Variants in STXBP6 observed in about 807,000 individuals in gnomAD.
STXBP6 encodes syntaxin-binding protein 6.
Under a neutral mutation model 26.9 loss-of-function variants are expected in STXBP6, and 21 were observed. That is an observed-to-expected ratio of 0.78 (90% CI 0.55 to 1.12). The LOEUF (loss-of-function observed/expected upper bound fraction) is 1.12, where lower values mean the gene tolerates loss of function less well. Ranked by LOEUF, STXBP6 falls within the 50% of genes most tolerant of loss-of-function variation. The pLI is 0.00. For missense variants in STXBP6, 232 were observed against 257.9 expected, an observed-to-expected ratio of 0.90 and a Z score of 0.69; for synonymous variants, 97 against 92.6, an observed-to-expected ratio of 1.05 and a Z score of -0.27.
At chr14:24,859,954 G>GA (rs1263728421) in intron 2 of STXBP6, among the ~76,000 whole-genome samples, 1 of 152,178 alleles carries the variant, frequency 6.6e-6, no homozygotes, top group Non-Finnish European at 1.5e-5. Context: ...TATTAGCTCT[G>GA]AAAAAACAAC....
intron 2 of STXBP6, among the ~76,000 whole-genome samples, chr14:24,879,877 C>T (rs1380458741): frequency 5.3e-5 from 8 of 152,146 alleles, no homozygotes; most frequent in Non-Finnish European, 1.0e-4. Context: ...AGCAAATGCC[C>T]GCTGAGGGTG....
chr14:24,818,201 C>T (rs1350929923), intron 5 of STXBP6: 1 of 446,930 alleles, frequency 2.2e-6, no homozygotes, highest in Non-Finnish European at 4.5e-6. Flanking sequence ...AAATTCAAAC[C>T]ACTAACCAGA....
At chr14:24,890,716 A>AC (rs541711909) in intron 2 of STXBP6, among the ~76,000 whole-genome samples, 3 of 152,230 alleles carry the variant, frequency 2.0e-5, no homozygotes, top group Non-Finnish European at 4.4e-5. Flanking sequence ...ATACAAAGCC[A>AC]CAACATCTTC....
chr14:24,885,110 T>A (rs2070527439), intron 2 of STXBP6, among the ~76,000 whole-genome samples: 1 of 152,190 alleles, frequency 6.6e-6, no homozygotes, highest in Non-Finnish European at 1.5e-5. Context: ...TCCACCTGCC[T>A]GCTCTGGGTA....
At chr14:24,888,314 G>T (rs2070663240) in intron 2 of STXBP6, among the ~76,000 whole-genome samples, 1 of 152,206 alleles carries the variant, frequency 6.6e-6, no homozygotes, top group Non-Finnish European at 1.5e-5. Context: ...ACCTAAGCTG[G>T]CAGTAGGGAA....
chr14:24,884,216 C>T (rs2070485052), intron 2 of STXBP6, among the ~76,000 whole-genome samples: 1 of 152,190 alleles, frequency 6.6e-6, no homozygotes, highest in African/African-American at 2.4e-5. Context: ...TAATCTAATC[C>T]TTAAAAGGTA....
intron 2 of STXBP6, among the ~76,000 whole-genome samples, chr14:24,972,432 T>C (rs542282019): frequency 3.9e-5 from 6 of 152,348 alleles, no homozygotes; most frequent in South Asian, 2.1e-4. Context: ...GACAACAGTA[T>C]ATGCCTAAAA....
At chr14:24,900,175 G>A (rs1303737246) in intron 2 of STXBP6, among the ~76,000 whole-genome samples, 1 of 152,164 alleles carries the variant, frequency 6.6e-6, no homozygotes, top group Non-Finnish European at 1.5e-5. Context: ...TATACTAAGA[G>A]AAAGGCATAT....
intron 4 of STXBP6, among the ~76,000 whole-genome samples, chr14:24,829,837 G>T (rs1033636307): frequency 2.0e-5 from 3 of 152,046 alleles, no homozygotes; most frequent in Admixed American, 2.0e-4. Flanking sequence ...GGCAGGATGT[G>T]TATGGTTAAA....
chr14:24,939,721 A>G (rs2072734678), intron 2 of STXBP6, among the ~76,000 whole-genome samples: 1 of 152,246 alleles, frequency 6.6e-6, no homozygotes, highest in South Asian at 2.1e-4. Flanking sequence ...ACTACAAAGA[A>G]ACAGGTGACA....
At chr14:24,861,166 T>C (rs189024488) in intron 2 of STXBP6, among the ~76,000 whole-genome samples, 16 of 152,294 alleles carry the variant, frequency 1.1e-4, no homozygotes, top group Admixed American at 9.2e-4. Flanking sequence ...ACTTTCATCA[T>C]GTGCAGCCCT....
intron 2 of STXBP6, among the ~76,000 whole-genome samples, chr14:24,942,475 C>T (rs2139997786): frequency 6.6e-6 from 1 of 152,286 alleles, no homozygotes; most frequent in African/African-American, 2.4e-5. Context: ...CAGTTCTCAG[C>T]ACCTTATGGA....
At chr14:24,825,979 T>A (rs1178101946) in intron 4 of STXBP6, among the ~76,000 whole-genome samples, 1 of 152,122 alleles carries the variant, frequency 6.6e-6, no homozygotes, top group East Asian at 1.9e-4. Context: ...GGAACACTTG[T>A]TTTGAGGTTA....
At chr14:24,819,311 C>A in intron 4 of STXBP6, 117 bp from the exon 5 acceptor site, 1 of 1,167,458 alleles carries the variant, frequency 8.6e-7, no homozygotes, top group Non-Finnish European at 1.3e-6. Flanking sequence ...AAAGGCCGCT[C>A]GTCTAGTGTC....
intron 5 of STXBP6, among the ~76,000 whole-genome samples, chr14:24,814,446 G>A (rs980693364): frequency 3.9e-5 from 6 of 152,200 alleles, no homozygotes; most frequent in African/African-American, 1.4e-4. Flanking sequence ...CTGCTGTCCT[G>A]GTATTCAATG....
At chr14:24,822,875 G>C in intron 4 of STXBP6, among the ~76,000 whole-genome samples, 1 of 152,180 alleles carries the variant, frequency 6.6e-6, no homozygotes. Context: ...AGTTTCACAC[G>C]TATTTATTAA....
At chr14:24,867,339 G>A (rs956053919) in intron 2 of STXBP6, among the ~76,000 whole-genome samples, 1 of 152,074 alleles carries the variant, frequency 6.6e-6, no homozygotes, top group African/African-American at 2.4e-5. Context: ...CCAGGACTGT[G>A]AGAAAAAAAG....
intron 1 of STXBP6, among the ~76,000 whole-genome samples, chr14:24,998,022 T>C (rs1437872438): frequency 1.3e-5 from 2 of 152,330 alleles, no homozygotes; most frequent in East Asian, 3.9e-4. Flanking sequence ...CCATTGTGCA[T>C]CTGTGCAAAT....
chr14:24,907,530 T>C (rs1018680336), intron 2 of STXBP6, among the ~76,000 whole-genome samples: 2 of 152,204 alleles, frequency 1.3e-5, no homozygotes, highest in Non-Finnish European at 2.9e-5. Context: ...GAAATCAGAA[T>C]TGCCATGAGA....
Sources: allele counts gnomAD v4.1 joint callset (sites outside exome capture counted in the v4.1 genomes callset), GRCh38; gene constraint gnomAD v4.1.1; transcripts MANE v1.5; gene names NCBI Gene and HGNC (gene_info 2026-07-23, HGNC 2026-07-21).